Variants in MACF1 observed in about 807,000 individuals in gnomAD.
MACF1 encodes the protein microtubule actin crosslinking factor 1, also known as microtubule-actin cross-linking factor 1.
In MACF1, 193 loss-of-function variants were observed where a neutral mutation model predicts 854.8. The ratio of observed to expected loss-of-function variants is 0.23; its 90% CI spans 0.20 to 0.25. The LOEUF (loss-of-function observed/expected upper bound fraction) is 0.25. Ranked by LOEUF, MACF1 falls within the 10% of genes least tolerant of loss-of-function variation. MACF1 has a pLI of 1.00. For missense variants in MACF1, 7,722 were observed against 8,929.1 expected (o/e 0.86, Z 5.45); for synonymous variants, 3,185 against 3,226.7 (o/e 0.99, Z 0.44).
chr1:39,086,876 C>T (rs1222982785), intron 2 of MACF1, among the ~76,000 whole-genome samples: 2 of 152,150 alleles, frequency 1.3e-5, no homozygotes, highest in Admixed American at 1.3e-4. Context: ...CTGAATGCCT[C>T]TTTTGAGGAG....
At chr1:39,195,165 CCT>C (rs1157756563) in intron 2 of MACF1, among the ~76,000 whole-genome samples, 1 of 152,188 alleles carries the variant, frequency 6.6e-6, no homozygotes, top group East Asian at 1.9e-4. Flanking sequence ...ACCTACTAGG[CCT>C]CTCTAGAAGA....
intron 70 of MACF1, among the ~76,000 whole-genome samples, chr1:39,437,410 A>G (rs759508314): frequency 6.6e-5 from 10 of 151,974 alleles, no homozygotes; most frequent in Admixed American, 2.0e-4. Flanking sequence ...TCTCGGGTTC[A>G]AGTGATTGTC....
chr1:39,125,766 C>A (rs1642843057), intron 2 of MACF1, among the ~76,000 whole-genome samples: 1 of 152,030 alleles, frequency 6.6e-6, no homozygotes, highest in South Asian at 2.1e-4. Context: ...CCTAGGTGGG[C>A]GGATCGCCTG....
chr1:39,285,215 G>A lies in MACF1; in HGVS notation c.1259+5G>A. The A allele has an allele frequency of 6.2e-7, 1 of 1,614,194 alleles. No individual in the cohort carries two copies. Among genetic ancestry groups the A allele is most frequent in the Non-Finnish European group, 8.5e-7 (1 of 1,180,036 alleles). On this transcript the variant is annotated splice_donor_5th_base_variant and intron_variant, in intron 12 of 100. Coordinates refer to ENST00000564288, the MANE Select transcript of MACF1 (RefSeq NM_001394062.1). ...ACTTCGGCCGGCTGTGGAGAGGTGGGTCCAGATCCTGAGAGTGGTCTGACA... is the reference window on the plus strand; with the variant it reads ...ACTTCGGCCGGCTGTGGAGAGGTGGATCCAGATCCTGAGAGTGGTCTGACA...
intron 26 of MACF1, among the ~76,000 whole-genome samples, chr1:39,312,818 G>T (rs1646328311): frequency 6.6e-6 from 1 of 152,064 alleles, no homozygotes; most frequent in South Asian, 2.1e-4. Context: ...GAGCAAACCT[G>T]TCTCAAGCAA....
intron 2 of MACF1, among the ~76,000 whole-genome samples, chr1:39,102,443 G>C (rs1191993791): frequency 9.3e-5 from 14 of 150,578 alleles, no homozygotes; most frequent in Middle Eastern, 6.8e-3. Context: ...GCGGGGGGGG[G>C]GTCAAGGAAG....
chr1:39,458,730 C>A (rs1022606967), intron 90 of MACF1: 8 of 534,466 alleles, frequency 1.5e-5, no homozygotes, highest in Non-Finnish European at 2.6e-5. Flanking sequence ...TTAACAGTGG[C>A]CTTTCCATTG....
At chr1:39,158,266 G>A (rs936981587) in intron 2 of MACF1, among the ~76,000 whole-genome samples, 1 of 152,114 alleles carries the variant, frequency 6.6e-6, no homozygotes, top group African/African-American at 2.4e-5. Flanking sequence ...AGGTATCCAT[G>A]GAGAGGGTCC....
intron 80 of MACF1, among the ~76,000 whole-genome samples, chr1:39,446,924 A>G (rs1319713902): frequency 3.3e-5 from 5 of 152,192 alleles, no homozygotes; most frequent in African/African-American, 7.2e-5. Context: ...GCATAAGCAT[A>G]ATTTTTAGAC....
In MACF1 at chr1:39,436,951, G is replaced by A. The variant is rs543742928; in HGVS notation, c.17989-826G>A. The stretch of plus-strand genomic sequence containing the variant: ...ATTCCAACGTTTTTTCTCTCTTATT[G>A]TTCCATAAGGTGGGTCGTTAAACTG... On this transcript the variant is annotated intron_variant, in intron 70 of 100. Transcript: ENST00000564288. Among the ~76,000 whole-genome samples, 8 of 152,196 alleles carry A rather than the reference G, an allele frequency of 5.3e-5. No homozygotes were observed. In the South Asian group the frequency reaches 1.7e-3, roughly 32 times the overall value.
At chr1:39,247,307 G>A (rs1044513312) in intron 2 of MACF1, among the ~76,000 whole-genome samples, 1 of 151,846 alleles carries the variant, frequency 6.6e-6, no homozygotes, top group African/African-American at 2.4e-5. Context: ...TCCTGACCTC[G>A]TGATCCGCCC....
At chr1:39,450,974 C>A in intron 84 of MACF1, 78 bp from the exon 85 acceptor site, 2 of 1,490,446 alleles carry the variant, frequency 1.3e-6, no homozygotes, top group Non-Finnish European at 1.8e-6. Context: ...AAGCAATATT[C>A]CCTTTCAGCG....
intron 2 of MACF1, among the ~76,000 whole-genome samples, chr1:39,138,079 A>C (rs1643229485): frequency 6.6e-6 from 1 of 150,890 alleles, no homozygotes. Flanking sequence ...TCTCAAAAAA[A>C]AAAAAAAAAA....
At chr1:39,138,031 G>A (rs566686491) in intron 2 of MACF1, among the ~76,000 whole-genome samples, 2 of 133,520 alleles carry the variant, frequency 1.5e-5, no homozygotes, top group African/African-American at 5.6e-5. Context: ...CCGAGATTGT[G>A]CCACTGCACT....
chr1:39,323,383 A>G (rs1047004417), intron 33 of MACF1, among the ~76,000 whole-genome samples: 1 of 151,868 alleles, frequency 6.6e-6, no homozygotes, highest in African/African-American at 2.4e-5. Context: ...TACACCTACT[A>G]TGTACCCACA....
At chr1:39,192,303 T>C (rs752459921) in intron 2 of MACF1, among the ~76,000 whole-genome samples, 2 of 152,154 alleles carry the variant, frequency 1.3e-5, no homozygotes, top group African/African-American at 2.4e-5. Context: ...TAGTCTGGGC[T>C]GTGTTAAGAG....
At position 39,297,889 on chromosome 1, in the gene MACF1, G is replaced by A. The variant is rs536348137; in HGVS notation, c.2481+144G>A. The A allele has an allele frequency of 4.4e-4, 406 of 916,974 alleles. 1 individual carries two copies. Among genetic ancestry groups the A allele is most frequent in the Non-Finnish European group, 5.3e-4 (338 of 633,408 alleles). 56.8% of individuals were successfully genotyped at this position (916,974 alleles called of 1,614,324 possible). A position where few individuals can be genotyped will look rare whatever the true frequency, so the allele number is the denominator to read the frequency against. On this transcript the variant is annotated intron_variant, in intron 21 of 100. Transcript: ENST00000564288. ...GCTTACATTCAAATAGAGTTTAATC[G>A]ATGTTGTTCTGTCTCTTTCCTTTTT...
chr1:39,344,249 G>A (rs1413323799), intron 40 of MACF1, among the ~76,000 whole-genome samples: 1 of 151,850 alleles, frequency 6.6e-6, no homozygotes, highest in Non-Finnish European at 1.5e-5. Context: ...CCAACATGGT[G>A]AAACCCCATC....
At chr1:39,342,198 C>A (rs561062989) in intron 40 of MACF1, among the ~76,000 whole-genome samples, 41 of 152,182 alleles carry the variant, frequency 2.7e-4, no homozygotes, top group African/African-American at 9.9e-4. Flanking sequence ...TGGCCTCCAG[C>A]TCCATCCATA....
Sources: gnomAD v4.1 joint callset for allele counts (sites outside exome capture counted in the v4.1 genomes callset) on GRCh38, gnomAD v4.1.1 for gene constraint, MANE v1.5 for transcripts, NCBI Gene and HGNC (gene_info 2026-07-23, HGNC 2026-07-21) for gene names.